Variants in EVI5 observed in about 807,000 individuals in gnomAD.
The protein encoded by EVI5 is ecotropic viral integration site 5, also known as ecotropic viral integration site 5 protein homolog.
Under a neutral mutation model 112.0 loss-of-function variants are expected in EVI5, and 73 were observed. The observed-to-expected ratio is 0.65, with a 90% CI of 0.54 to 0.79. EVI5 has a LOEUF of 0.79. EVI5 is among the 30% of genes least tolerant of loss of function. The probability of loss-of-function intolerance (pLI) is 0.00; values close to 1 mark genes in which losing one functional copy is unlikely to be tolerated. For synonymous variants in EVI5, 305 were observed against 319.9 expected (o/e 0.95, Z 0.50); for missense variants, 900 against 968.8 (o/e 0.93, Z 0.94).
intron 18 of EVI5, among the ~76,000 whole-genome samples, chr1:92,588,914 T>G (rs1673236733): frequency 6.6e-6 from 1 of 152,230 alleles, no homozygotes; most frequent in African/African-American, 2.4e-5. Context: ...TATGCCGATA[T>G]TGGAAATATA....
intron 1 of EVI5, among the ~76,000 whole-genome samples, chr1:92,753,637 G>A (rs1205235314): frequency 1.3e-5 from 2 of 152,054 alleles, no homozygotes; most frequent in African/African-American, 4.8e-5. Context: ...CAGTTCAAGA[G>A]CTCACTCATC....
chr1:92,582,686 GTGGCCCTTTTGCT>G (rs1264673422), intron 18 of EVI5, among the ~76,000 whole-genome samples: 5 of 152,292 alleles, frequency 3.3e-5, no homozygotes, highest in Admixed American at 6.5e-5. Flanking sequence ...AGAAAAAAAG[GTGGCCCTTTTGCT>G]TGGTAGCCCA....
At chr1:92,711,028 A>C (rs1672767237) in intron 2 of EVI5, among the ~76,000 whole-genome samples, 1 of 152,202 alleles carries the variant, frequency 6.6e-6, no homozygotes, top group African/African-American at 2.4e-5. Context: ...AAAATGACAG[A>C]GTACAGACTT....
At chr1:92,610,980 G>A (rs867417153) in intron 16 of EVI5, among the ~76,000 whole-genome samples, 22 of 151,994 alleles carry the variant, frequency 1.4e-4, no homozygotes, top group African/African-American at 4.8e-4. Flanking sequence ...ATAGCATTGG[G>A]AGATATACCT....
At chr1:92,716,474 A>G (rs1020529861) in intron 2 of EVI5, among the ~76,000 whole-genome samples, 1 of 152,212 alleles carries the variant, frequency 6.6e-6, no homozygotes, top group African/African-American at 2.4e-5. Context: ...GGTCACCAAC[A>G]TCAAAGACCA....
intron 14 of EVI5, among the ~76,000 whole-genome samples, chr1:92,629,823 C>T (rs1483143934): frequency 7.7e-6 from 1 of 129,754 alleles, no homozygotes. Flanking sequence ...ACCCTCCCCC[C>T]ACCCCAAAAC....
chr1:92,704,647 G>C lies in EVI5; in HGVS notation c.247C>G (p.Leu83Val). 6.2e-7 allele frequency: 1 copy of C among 1,604,264 alleles called. No homozygotes were observed. ...LVSSSSASSN[L>V]SHLEEDSWIL... ...CAAGAATCTTCTTCAAGGTGACTGA[G>C]GTTGCTAGAGGCTGATGAACTCGAC... is the stretch of plus-strand genomic sequence containing the variant. Residue 83 changes from leucine (L) to valine (V), a missense_variant, in exon 3 of 20, where the codon CTC becomes GTC. By Grantham distance (32) the Leu-to-Val change is conservative. Transcript: ENST00000684568.
intron 16 of EVI5, among the ~76,000 whole-genome samples, chr1:92,612,086 A>T (rs1323410611): frequency 6.6e-6 from 1 of 152,208 alleles, no homozygotes; most frequent in Non-Finnish European, 1.5e-5. Flanking sequence ...AGAACACATG[A>T]AGTTATTCAC....
chr1:92,669,767 T>C (rs950468998), intron 10 of EVI5, among the ~76,000 whole-genome samples: 1 of 152,052 alleles, frequency 6.6e-6, no homozygotes, highest in African/African-American at 2.4e-5. Flanking sequence ...TGACGATACA[T>C]AGAAAGGTTA....
chr1:92,542,354 G>T (rs1328146408), intron 19 of EVI5, among the ~76,000 whole-genome samples: 1 of 151,974 alleles, frequency 6.6e-6, no homozygotes, highest in Non-Finnish European at 1.5e-5. Flanking sequence ...CACATCTTCA[G>T]GCTCTACTAC....
rs546454046 is a variant in EVI5 at position 92,529,871 on chromosome 1, T to A, written c.2167-15901A>T. The stretch of plus-strand genomic sequence containing the variant: ...AAATAAATCAATGGGCATATTTTCA[T>A]AAATACTTTCATAAAAATTATGCTT... On this transcript the variant is annotated intron_variant, in intron 19 of 19. Transcript: ENST00000684568. 1.1e-3 allele frequency among the ~76,000 whole-genome samples: 164 copies of A among 152,306 alleles called. 1 individual carries two copies. Among genetic ancestry groups the A allele is most frequent in the African/African-American group, 3.8e-3 (157 of 41,592 alleles).
At chr1:92,518,655 T>TA (rs11432913) in intron 19 of EVI5, among the ~76,000 whole-genome samples, 121,449 of 145,416 alleles carry the variant, frequency 0.84, 50,786 homozygotes, top group East Asian at 0.96. Flanking sequence ...AGGGATGCTT[T>TA]AAAAAAAAAA....
chr1:92,725,630 G>A (rs541645975), intron 2 of EVI5, among the ~76,000 whole-genome samples: 27 of 152,020 alleles, frequency 1.8e-4, no homozygotes, highest in African/African-American at 5.3e-4. Context: ...GGCAGAGGTC[G>A]AAGGATCACC....
At chr1:92,589,934 A>G (rs1255597112) in intron 18 of EVI5, among the ~76,000 whole-genome samples, 1 of 152,192 alleles carries the variant, frequency 6.6e-6, no homozygotes, top group African/African-American at 2.4e-5. Context: ...AGGAACGATC[A>G]GGCAGCAACA....
At position 92,756,486 on chromosome 1, in the gene EVI5, A is replaced by G. The variant is rs570255016; in HGVS notation, c.-81-19859T>C. 35 of 538,526 alleles carry G rather than the reference A, an allele frequency of 6.5e-5. No individual in the cohort carries two copies. In the African/African-American group the frequency reaches 6.5e-4, roughly 10 times the overall value. The allele number at this position is 538,526 out of a possible 1,614,324, so 33.4% of individuals were successfully genotyped here. A position where few individuals can be genotyped will look rare whatever the true frequency, so the allele number is the denominator to read the frequency against. On this transcript the variant is annotated intron_variant, in intron 1 of 19. Transcript: ENST00000684568. Reference sequence around the variant, plus strand: ...TCTCCAACATGGCCTACAAGACTACATCATTACATCATCTTACTGCTTACT... The same window carrying G: ...TCTCCAACATGGCCTACAAGACTACGTCATTACATCATCTTACTGCTTACT...
chr1:92,773,197 C>CA (rs34570423), intron 1 of EVI5, among the ~76,000 whole-genome samples: 114,650 of 131,668 alleles, frequency 0.87, 49,605 homozygotes, highest in South Asian at 0.95. Context: ...CAGGCTGTCT[C>CA]AAAAAAAAAA....
rs1485013566 is a variant in EVI5, at chr1:92,729,438, T to C, written c.149+6960A>G. 2.0e-5 allele frequency among the ~76,000 whole-genome samples: 3 copies of C among 152,126 alleles called. No homozygotes were observed. In the East Asian group the frequency reaches 5.8e-4, roughly 29 times the overall value. ...TTAGAAAAGAAAGGTCACACAGACATTACAAGGTGACAACATATTACCGAT... is the reference window on the plus strand; with the variant it reads ...TTAGAAAAGAAAGGTCACACAGACACTACAAGGTGACAACATATTACCGAT... On this transcript the variant is annotated intron_variant, in intron 2 of 19. Coordinates refer to ENST00000684568, the MANE Select transcript of EVI5 (RefSeq NM_001350197.2).
intron 16 of EVI5, among the ~76,000 whole-genome samples, chr1:92,612,262 T>A (rs559246660): frequency 3.4e-5 from 5 of 146,432 alleles, no homozygotes; most frequent in South Asian, 4.4e-4. Context: ...AAAAACTAAA[T>A]CCAATAAAGA....
In EVI5 at chr1:92,625,909, T is replaced by C. The variant is rs1655568884; in HGVS notation, c.1553A>G (p.Asn518Ser). The C allele has an allele frequency of 6.2e-7, 1 of 1,607,682 alleles. No individual in the cohort carries two copies. Among genetic ancestry groups the C allele is most frequent in the Non-Finnish European group, 8.5e-7 (1 of 1,174,536 alleles). ...TTCTTCCTGAAGCCTTGCAATATTATTCTCATCAGGAAGGGAGTTATTCCT... is the reference window on the plus strand; with the variant it reads ...TTCTTCCTGAAGCCTTGCAATATTACTCTCATCAGGAAGGGAGTTATTCCT... ...EKRNNSLPDENNIARLQEELI... is the reference protein window; with the variant it reads ...EKRNNSLPDESNIARLQEELI... The change falls in exon 15 of 20, where the codon AAT (asparagine) becomes AGT (serine). Residue 518 changes from asparagine to serine, a missense_variant. Transcript: ENST00000684568.
Sources: allele counts gnomAD v4.1 joint callset (sites outside exome capture counted in the v4.1 genomes callset), GRCh38; gene constraint gnomAD v4.1.1; transcripts MANE v1.5; gene names NCBI Gene and HGNC (gene_info 2026-07-23, HGNC 2026-07-21).